SYT14: variants seen among roughly 807,000 people sequenced by gnomAD.
SYT14 encodes the protein synaptotagmin 14.
A neutral mutation model predicts 74.2 loss-of-function variants in SYT14; 32 were observed. That is an observed-to-expected ratio of 0.43 (90% CI 0.33 to 0.58). The LOEUF is 0.58. Among genes scored for constraint, SYT14 ranks in the 20% least tolerant of loss-of-function variants. The probability of loss-of-function intolerance (pLI) is 0.05; values close to 1 mark genes in which losing one functional copy is unlikely to be tolerated. For synonymous variants in SYT14, 298 were observed against 337.7 expected (o/e 0.88, Z 1.29); for missense variants, 791 against 981.8 (o/e 0.81, Z 2.60).
intron 2 of SYT14, among the ~76,000 whole-genome samples, chr1:210,009,445 T>C (rs937424805): frequency 1.3e-5 from 2 of 152,104 alleles, no homozygotes; most frequent in African/African-American, 4.8e-5. Context: ...TCAGTCAGGG[T>C]ATTGTGTGAA....
At chr1:209,999,052 A>G (rs1401619949) in intron 2 of SYT14, among the ~76,000 whole-genome samples, 4 of 152,150 alleles carry the variant, frequency 2.6e-5, no homozygotes, top group African/African-American at 9.6e-5. Context: ...TTATTTGACA[A>G]GGAACTTATT....
intron 2 of SYT14, among the ~76,000 whole-genome samples, chr1:210,012,178 A>G (rs952020985): frequency 2.0e-5 from 3 of 152,234 alleles, no homozygotes; most frequent in Non-Finnish European, 4.4e-5. Context: ...ATATAATCAT[A>G]GAGTCCATAA....
chr1:210,163,086 T>C (rs1450973321), exon 10 of SYT14: 1 of 453,514 alleles, frequency 2.2e-6, no homozygotes, highest in Admixed American at 2.4e-5. Context: ...TAATGAACTT[T>C]TTAGACTTTG....
exon 10 of SYT14, chr1:210,161,864 T>C (rs906798247): frequency 4.7e-5 from 21 of 451,138 alleles, no homozygotes; most frequent in Admixed American, 4.0e-4. Flanking sequence ...AGCAGGACTT[T>C]ACTTTCAAAT....
chr1:210,122,484 A>T (rs1390987255), intron 7 of SYT14, among the ~76,000 whole-genome samples: 1 of 152,094 alleles, frequency 6.6e-6, no homozygotes, highest in Non-Finnish European at 1.5e-5. Flanking sequence ...TTTGCCCAAA[A>T]TTGACACATG....
At chr1:210,074,956 C>G (rs1187339254) in intron 5 of SYT14, among the ~76,000 whole-genome samples, 4 of 152,174 alleles carry the variant, frequency 2.6e-5, no homozygotes, top group Non-Finnish European at 5.9e-5. Flanking sequence ...CTTTCTGTAT[C>G]CCAGGGTTCT....
chr1:209,943,298 G>A (rs1406483557), intron 1 of SYT14, among the ~76,000 whole-genome samples: 1 of 151,926 alleles, frequency 6.6e-6, no homozygotes, highest in Non-Finnish European at 1.5e-5. Flanking sequence ...GAAGTCAGGA[G>A]TTTTGAGACC....
chr1:210,067,605 A>G (rs1468582966), intron 5 of SYT14, among the ~76,000 whole-genome samples: 1 of 151,832 alleles, frequency 6.6e-6, no homozygotes, highest in Admixed American at 6.6e-5. Context: ...ATATATCACC[A>G]TATTCTAGAA....
intron 2 of SYT14, among the ~76,000 whole-genome samples, chr1:209,971,889 GC>G (rs1467821542): frequency 1.3e-5 from 2 of 152,148 alleles, no homozygotes; most frequent in African/African-American, 4.8e-5. Flanking sequence ...TTAGGGTGAT[GC>G]TGGCTTCATA....
At chr1:209,974,477 C>G (rs1054293474) in intron 2 of SYT14, among the ~76,000 whole-genome samples, 2 of 152,180 alleles carry the variant, frequency 1.3e-5, no homozygotes, top group Non-Finnish European at 2.9e-5. Context: ...GAATCGTTTA[C>G]CCATTTCTTG....
intron 5 of SYT14, among the ~76,000 whole-genome samples, chr1:210,047,633 G>A (rs113367296): frequency 9.2e-5 from 14 of 152,096 alleles, no homozygotes; most frequent in African/African-American, 2.9e-4. Flanking sequence ...TCCTGACCTC[G>A]TGATCTGCCT....
rs2080619581 is a variant in SYT14, at chr1:210,034,723, C to T, written c.1312+13469C>T. 1.3e-5 allele frequency among the ~76,000 whole-genome samples: 2 copies of T among 151,728 alleles called. 1 individual carries two copies. Among genetic ancestry groups the T allele is most frequent in the South Asian group, 4.1e-4 (2 of 4,834 alleles). The stretch of plus-strand genomic sequence containing the variant: ...GCTTCCACTTAAAAGTGGGATCATG[C>T]AGTATATGACTTTATGCTTCTGAGG... On this transcript the variant is annotated intron_variant, in intron 5 of 9. Coordinates refer to ENST00000637265, the Ensembl canonical transcript of SYT14.
At chr1:209,978,036 T>A (rs1161927866) in intron 2 of SYT14, among the ~76,000 whole-genome samples, 1 of 152,228 alleles carries the variant, frequency 6.6e-6, no homozygotes, top group African/African-American at 2.4e-5. Context: ...GTAGTTCTCG[T>A]GCCTTGGTTT....
chr1:210,022,374 A>G (rs2080322306), intron 5 of SYT14, among the ~76,000 whole-genome samples: 1 of 152,228 alleles, frequency 6.6e-6, no homozygotes, highest in African/African-American at 2.4e-5. Flanking sequence ...AGAAGTAAAA[A>G]ATATCTGACA....
In SYT14 at chr1:209,943,508, CAAAAAAAAAAAAAAAAAA is replaced by C. The variant is rs58806792; in HGVS notation, c.-534+5243_-534+5260del. ...TGGACAACAGAGCGAGATTCAATCT[CAAAAAAAAAAAAAAAAAA>C]AAAAAAAAAAAGAGAATGCAGCAGT... On this transcript the variant is annotated intron_variant, in intron 1 of 9. Transcript: ENST00000637265. 2.5e-4 allele frequency among the ~76,000 whole-genome samples: 15 copies of C among 59,328 alleles called. No individual in the cohort carries two copies. The East Asian group carries it at 7.5e-3, about 30-fold the overall frequency. 38.9% of individuals were successfully genotyped at this position (59,328 alleles called of 152,430 possible).
intron 8 of SYT14, 88 bp downstream of exon 7, chr1:210,155,998 T>C: frequency 8.5e-7 from 1 of 1,170,864 alleles, no homozygotes; most frequent in Non-Finnish European, 1.2e-6. Context: ...TCATTTAGTC[T>C]TAACCAATCA....
exon 4 of SYT14, chr1:210,016,300 A>G (rs2080181218): frequency 2.4e-6 from 3 of 1,232,054 alleles, no homozygotes; most frequent in South Asian, 4.1e-5. Flanking sequence ...GAGCAAAGCA[A>G]ATAAATACTT....
intron 1 of SYT14, among the ~76,000 whole-genome samples, chr1:209,940,155 G>C (rs1216854252): frequency 6.6e-6 from 1 of 152,132 alleles, no homozygotes; most frequent in African/African-American, 2.4e-5. Context: ...ATGGCAGTTC[G>C]AATTAGCCTA....
chr1:209,984,652 ATGTG>A (rs2079541961), intron 2 of SYT14, among the ~76,000 whole-genome samples: 1 of 152,194 alleles, frequency 6.6e-6, no homozygotes, highest in Non-Finnish European at 1.5e-5. Flanking sequence ...GTCTTTCAAC[ATGTG>A]TGTATTAGTC....
Sources: allele counts gnomAD v4.1 joint callset (sites outside exome capture counted in the v4.1 genomes callset), GRCh38; gene constraint gnomAD v4.1.1; transcripts MANE v1.5; gene names NCBI Gene and HGNC (gene_info 2026-07-23, HGNC 2026-07-21).